SORBS2: variants seen among roughly 807,000 people sequenced by gnomAD.
SORBS2 encodes sorbin and SH3 domain containing 2.
A neutral mutation model predicts 97.7 loss-of-function variants in SORBS2; 46 were observed. That is an observed-to-expected ratio of 0.47 (90% CI 0.37 to 0.60). The LOEUF is 0.60. SORBS2 is among the 20% of genes least tolerant of loss of function. The pLI is 0.00. For missense variants in SORBS2, 1,316 were observed against 1,282.3 expected (o/e 1.03, Z -0.40); for synonymous variants, 476 against 473.4 (o/e 1.01, Z -0.07).
At chr4:185,900,013 G>A (rs1379411380) in intron 1 of SORBS2, among the ~76,000 whole-genome samples, 1 of 152,162 alleles carries the variant, frequency 6.6e-6, no homozygotes, top group Non-Finnish European at 1.5e-5. Context: ...AACTACTAAG[G>A]AGGCTGAGGA....
chr4:185,593,828 T>C lies in SORBS2; in HGVS notation c.2846+58A>G, dbSNP rs2096017627. The C allele has an allele frequency of 3.7e-6, 4 of 1,089,350 alleles. No homozygotes were observed. In the East Asian group the frequency reaches 7.1e-5, roughly 19 times the overall value. The allele number at this position is 1,089,350 out of a possible 1,614,324, so 67.5% of individuals were successfully genotyped here. Reference sequence around the variant, plus strand: ...CCATACATCTTACATTTTGGTACAGTTGTCCATTTTGTGGGTCAAGGTTAG... The same window carrying C: ...CCATACATCTTACATTTTGGTACAGCTGTCCATTTTGTGGGTCAAGGTTAG... On this transcript the variant is annotated intron_variant, in intron 13 of 14. Transcript: ENST00000418609.
At position 185,589,617 on chromosome 4, in the gene SORBS2, A is replaced by T. The variant is rs527561494; in HGVS notation, c.2953+62T>A. ...CTCGGCCATCACAGCAAACCACGGG[A>T]GTGAGCAAACTCAAGCAAATTACAA... On this transcript the variant is annotated intron_variant, in intron 14 of 14. Transcript: ENST00000418609. 2.7e-4 allele frequency: 240 copies of T among 889,544 alleles called. No individual in the cohort carries two copies. In the African/African-American group the frequency reaches 3.8e-3, roughly 14 times the overall value. 55.1% of individuals were successfully genotyped at this position (889,544 alleles called of 1,614,324 possible).
At position 185,606,121 on chromosome 4, in the gene SORBS2, G is replaced by A; in HGVS notation, c.2796+5659C>T. On this transcript the variant is annotated intron_variant, in intron 12 of 14. Coordinates refer to ENST00000418609, the Ensembl canonical transcript of SORBS2. The surrounding 1 kb of genome is among the most constrained non-coding windows in gnomAD (Gnocchi z 4.3). ...TTTTGCAAAGTGCCGTTATGTCAAA[G>A]GTATGGTGTACAGTTTCTCATCCTG... is the stretch of plus-strand genomic sequence containing the variant. The A allele has an allele frequency of 1.0e-6, 1 of 985,320 alleles. No homozygotes were observed. Among genetic ancestry groups the A allele is most frequent in the Non-Finnish European group, 1.2e-6 (1 of 829,894 alleles). 61.0% of individuals were successfully genotyped at this position (985,320 alleles called of 1,614,324 possible).
chr4:185,596,736 T>G (rs562821831), intron 12 of SORBS2, among the ~76,000 whole-genome samples: 1 of 152,174 alleles, frequency 6.6e-6, no homozygotes, highest in South Asian at 2.1e-4. Flanking sequence ...GGTTTCACCA[T>G]GTTAGCCAGG....
chr4:185,651,680 T>A, intron 2 of SORBS2, 104 bp downstream of exon 11: 2 of 756,758 alleles, frequency 2.6e-6, no homozygotes, highest in Non-Finnish European at 4.8e-6. Flanking sequence ...ATATATGAAC[T>A]GAAAACATGT....
chr4:185,646,768 G>A (rs1282113137), exon 4 of SORBS2: 2 of 1,606,234 alleles, frequency 1.2e-6, no homozygotes, highest in Non-Finnish European at 1.7e-6. Context: ...TCTGTCTGGA[G>A]GATCCCAGTC....
At chr4:185,678,867 A>G in intron 2 of SORBS2, 45 bp from the exon 6 acceptor site, 3 of 1,191,056 alleles carry the variant, frequency 2.5e-6, no homozygotes, top group Non-Finnish European at 3.4e-6. Context: ...GGTGAAATAA[A>G]TGAACAACCC....
chr4:185,741,062 C>G (rs921553342), intron 2 of SORBS2, among the ~76,000 whole-genome samples: 5 of 152,126 alleles, frequency 3.3e-5, no homozygotes, highest in Non-Finnish European at 7.4e-5. Context: ...TGCACTGATT[C>G]TCTGGCATAG....
exon 1 of SORBS2, chr4:185,656,874 G>A: frequency 7.8e-7 from 1 of 1,287,382 alleles, no homozygotes; most frequent in Non-Finnish European, 9.8e-7. Flanking sequence ...CGGCTGAAGA[G>A]GGACATTAAA....
chr4:185,801,245 G>T (rs576999672), intron 1 of SORBS2, among the ~76,000 whole-genome samples: 1 of 152,276 alleles, frequency 6.6e-6, no homozygotes, highest in South Asian at 2.1e-4. Flanking sequence ...CCCATTGTGT[G>T]TATATACACC....
At chr4:185,662,657 A>T (rs2097538819) in intron 4 of SORBS2, among the ~76,000 whole-genome samples, 1 of 152,236 alleles carries the variant, frequency 6.6e-6, no homozygotes, top group Admixed American at 6.5e-5. Context: ...CTTTGACATG[A>T]GGCAAGGGAT....
chr4:185,816,260 A>G (rs2099193209), intron 1 of SORBS2, among the ~76,000 whole-genome samples: 1 of 152,086 alleles, frequency 6.6e-6, no homozygotes, highest in Non-Finnish European at 1.5e-5. Context: ...CTCTAGTCAC[A>G]TCTTCTGCTG....
intron 4 of SORBS2, among the ~76,000 whole-genome samples, chr4:185,645,252 A>G (rs1359480957): frequency 6.6e-6 from 1 of 152,170 alleles, no homozygotes; most frequent in African/African-American, 2.4e-5. Context: ...TCTGAGATAT[A>G]TTATTTCACT....
chr4:185,893,368 G>C (rs1442421614), intron 1 of SORBS2, among the ~76,000 whole-genome samples: 1 of 152,206 alleles, frequency 6.6e-6, no homozygotes, highest in East Asian at 1.9e-4. Context: ...CTGGAGCAAA[G>C]GCTCTGGGAG....
intron 2 of SORBS2, among the ~76,000 whole-genome samples, chr4:185,707,863 T>C (rs184428816): frequency 6.6e-6 from 1 of 152,168 alleles, no homozygotes; most frequent in Non-Finnish European, 1.5e-5. Context: ...ACCCCATGAG[T>C]CACTTACCTC....
At chr4:185,851,456 G>T (rs1236100249) in intron 1 of SORBS2, among the ~76,000 whole-genome samples, 2 of 152,060 alleles carry the variant, frequency 1.3e-5, no homozygotes, top group African/African-American at 4.8e-5. Context: ...AATAAGCAAG[G>T]GGTTGCACTT....
At chr4:185,709,988 A>T (rs1250440665) in intron 2 of SORBS2, 1 of 152,060 alleles carries the variant, frequency 6.6e-6, no homozygotes, top group Non-Finnish European at 1.5e-5. Context: ...TTCTGGCTAC[A>T]TTGGTAAGTA....
chr4:185,654,863 C>T (rs943213378), intron 1 of SORBS2, among the ~76,000 whole-genome samples: 1 of 151,882 alleles, frequency 6.6e-6, no homozygotes, highest in Non-Finnish European at 1.5e-5. Flanking sequence ...CTACAGTTTT[C>T]AAAACATCAG....
chr4:185,908,308 TATATATATATATA>T (rs2099252693), intron 1 of SORBS2, among the ~76,000 whole-genome samples: 1 of 114,078 alleles, frequency 8.8e-6, no homozygotes, highest in Non-Finnish European at 1.8e-5. Context: ...TATATATATA[TATATATATATATA>T]TTTGTATACA....
Sources: allele counts gnomAD v4.1 joint callset (sites outside exome capture counted in the v4.1 genomes callset), GRCh38; gene constraint gnomAD v4.1.1; non-coding constraint Gnocchi (gnomAD v3.1); transcripts MANE v1.5; gene names NCBI Gene and HGNC (gene_info 2026-07-23, HGNC 2026-07-21).